DNAH11: variants seen among roughly 807,000 people sequenced by gnomAD.
DNAH11 encodes dynein axonemal heavy chain 11.
In DNAH11, 442 loss-of-function variants were observed where a neutral mutation model predicts 526.0. The observed-to-expected ratio is 0.84, with a 90% CI of 0.78 to 0.91. DNAH11 has a LOEUF of 0.91. Ranked by LOEUF, DNAH11 falls within the 40% of genes least tolerant of loss-of-function variation. The pLI is 0.00. For synonymous variants in DNAH11, 2,461 were observed against 1,935.9 expected, an observed-to-expected ratio of 1.27 and a Z score of -7.12; for missense variants, 6,989 against 5,448.7, an observed-to-expected ratio of 1.28 and a Z score of -8.90.
chr7:21,551,040 A>G (rs1438128146), intron 2 of DNAH11, among the ~76,000 whole-genome samples: 1 of 152,126 alleles, frequency 6.6e-6, no homozygotes, highest in Admixed American at 6.5e-5. Flanking sequence ...CACACCCATA[A>G]TTCCTAAGTA....
chr7:21,609,539 T>A (rs1290929686), intron 20 of DNAH11, among the ~76,000 whole-genome samples: 1 of 151,314 alleles, frequency 6.6e-6, no homozygotes, highest in Non-Finnish European at 1.5e-5. Flanking sequence ...TATATATTTC[T>A]AGGAATAATG....
At chr7:21,851,247 C>G (rs1445801177) in intron 66 of DNAH11, 1 of 225,610 alleles carries the variant, frequency 4.4e-6, no homozygotes, top group African/African-American at 2.3e-5. Flanking sequence ...AGGGGCTTTT[C>G]CCCCTTTGCT....
chr7:21,781,200 A>G (rs538156714), intron 57 of DNAH11, among the ~76,000 whole-genome samples: 1 of 152,230 alleles, frequency 6.6e-6, no homozygotes, highest in African/African-American at 2.4e-5. Context: ...GTCTTCAAAC[A>G]TGAGCAGTAA....
chr7:21,886,194 A>T (rs1784116335), intron 76 of DNAH11, among the ~76,000 whole-genome samples: 1 of 152,122 alleles, frequency 6.6e-6, no homozygotes, highest in Non-Finnish European at 1.5e-5. Context: ...TATAGATTTG[A>T]TCACCTTCCT....
intron 30 of DNAH11, among the ~76,000 whole-genome samples, chr7:21,672,502 G>A (rs971576749): frequency 6.6e-6 from 1 of 152,168 alleles, no homozygotes; most frequent in African/African-American, 2.4e-5. Flanking sequence ...GCCTAGGCTG[G>A]TCTCAAACTC....
intron 68 of DNAH11, among the ~76,000 whole-genome samples, chr7:21,858,846 C>T (rs1782953112): frequency 6.6e-6 from 1 of 152,064 alleles, no homozygotes; most frequent in Admixed American, 6.6e-5. Context: ...TCAAACTGTG[C>T]ATATAATAGG....
chr7:21,543,649 A>T, intron 1 of DNAH11, 53 bp downstream of exon 1: 1 of 1,528,368 alleles, frequency 6.5e-7, no homozygotes, highest in Non-Finnish European at 8.8e-7. Context: ...TACCCAGGGG[A>T]GACAGCCCAG....
At chr7:21,662,320 C>G (rs1451739330) in intron 30 of DNAH11, among the ~76,000 whole-genome samples, 1 of 152,042 alleles carries the variant, frequency 6.6e-6, no homozygotes, top group Non-Finnish European at 1.5e-5. Flanking sequence ...GTGTGCCTAC[C>G]ACTTAGATTC....
At chr7:21,871,893 A>C (rs1783507976) in intron 73 of DNAH11, among the ~76,000 whole-genome samples, 1 of 151,728 alleles carries the variant, frequency 6.6e-6, no homozygotes, top group Non-Finnish European at 1.5e-5. Context: ...GAGGCCGAGG[A>C]GGGCAGATCA....
chr7:21,591,974 A>G (rs1415502430), intron 14 of DNAH11, among the ~76,000 whole-genome samples: 4 of 152,200 alleles, frequency 2.6e-5, no homozygotes, highest in Admixed American at 2.6e-4. Context: ...GGTGGCAACA[A>G]TAATTACTCT....
chr7:21,697,911 T>C (rs553062159), intron 35 of DNAH11, among the ~76,000 whole-genome samples, 164 bp from the exon 36 acceptor site: 13 of 152,316 alleles, frequency 8.5e-5, no homozygotes, highest in African/African-American at 3.1e-4. Context: ...GAGTGGACAT[T>C]TTTTTAGTTG....
At position 21,559,694 on chromosome 7, in the gene DNAH11, T is replaced by A; in HGVS notation, c.784T>A (p.Ser262Thr). ...AATCCAAGAAATTATAGAAAGAGAT[T>A]CAGTGCAGCGTTTGTTGAATGGTCT... ...HQIQEIIERDSVQRLLNGLHL... is the reference protein window; with the variant it reads ...HQIQEIIERDTVQRLLNGLHL... Residue 262 changes from serine (S) to threonine (T), a missense_variant, in exon 4 of 82, where the codon TCA becomes ACA. Coordinates refer to ENST00000409508, the MANE Select transcript of DNAH11 (RefSeq NM_001277115.2). 5.6e-6 allele frequency: 9 copies of A among 1,611,256 alleles called. No individual in the cohort carries two copies. Among genetic ancestry groups the A allele is most frequent in the Non-Finnish European group, 7.6e-6 (9 of 1,178,686 alleles).
At chr7:21,748,157 T>G (rs1279106339) in intron 51 of DNAH11, among the ~76,000 whole-genome samples, 2 of 21,152 alleles carry the variant, frequency 9.5e-5, no homozygotes, top group Non-Finnish European at 2.4e-4. Flanking sequence ...TGGAATTTAG[T>G]CTCTCACTAT....
At chr7:21,682,873 G>C (rs1490194161) in intron 31 of DNAH11, among the ~76,000 whole-genome samples, 4 of 151,972 alleles carry the variant, frequency 2.6e-5, no homozygotes, top group Non-Finnish European at 5.9e-5. Context: ...CCAGCTTCAG[G>C]ACCACTAGTG....
At chr7:21,895,713 T>C (rs1302310563) in intron 79 of DNAH11, among the ~76,000 whole-genome samples, 1 of 152,166 alleles carries the variant, frequency 6.6e-6, no homozygotes. Flanking sequence ...CTCTTTACAT[T>C]GTAGCATGCA....
In DNAH11 at chr7:21,619,947, G is replaced by A; in HGVS notation, c.4378-9G>A. The A allele has an allele frequency of 6.5e-7, 1 of 1,537,062 alleles. No homozygotes were observed. Among genetic ancestry groups the A allele is most frequent in the Non-Finnish European group, 8.8e-7 (1 of 1,137,048 alleles). ...TTTTGTGCACATTAATTATATTGTT[G>A]ATTACTAGGTTATTACTGAAATCAG... is the stretch of plus-strand genomic sequence containing the variant. On this transcript the variant is annotated splice_polypyrimidine_tract_variant and intron_variant, in intron 24 of 81. Coordinates refer to ENST00000409508, the MANE Select transcript of DNAH11 (RefSeq NM_001277115.2).
intron 8 of DNAH11, among the ~76,000 whole-genome samples, chr7:21,579,414 A>G (rs1784227063): frequency 6.6e-6 from 1 of 152,210 alleles, no homozygotes; most frequent in Non-Finnish European, 1.5e-5. Context: ...ACAGGCAGTT[A>G]TCATATGGGT....
In DNAH11 at chr7:21,880,688, C is replaced by G. The variant is rs374568211; in HGVS notation, c.12196-14C>G. The G allele has an allele frequency of 6.2e-7, 1 of 1,612,946 alleles. No individual in the cohort carries two copies. The highest frequency in any genetic ancestry group is 1.3e-5 in the African/African-American group (1 of 74,900). ...ACAGATGGATAATCAAGCATTTCTT[C>G]TCTTTTTTCCCAGGATACACTTGAA... On this transcript the variant is annotated splice_polypyrimidine_tract_variant and intron_variant, in intron 74 of 81. Coordinates refer to ENST00000409508, the MANE Select transcript of DNAH11 (RefSeq NM_001277115.2).
chr7:21,551,839 A>C (rs1583474370), intron 2 of DNAH11, among the ~76,000 whole-genome samples: 1 of 151,526 alleles, frequency 6.6e-6, no homozygotes, highest in Non-Finnish European at 1.5e-5. Context: ...AGCTGGATTT[A>C]GGCAAATATT....
Sources: gnomAD v4.1 joint callset for allele counts (sites outside exome capture counted in the v4.1 genomes callset) on GRCh38, gnomAD v4.1.1 for gene constraint, MANE v1.5 for transcripts, NCBI Gene and HGNC (gene_info 2026-07-23, HGNC 2026-07-21) for gene names.